MMP2: variants seen among roughly 807,000 people sequenced by gnomAD.
MMP2 encodes the protein 72 kDa type IV collagenase.
In MMP2, 39 loss-of-function variants were observed where a neutral mutation model predicts 74.8. That is an observed-to-expected ratio of 0.52 (90% CI 0.40 to 0.68). The LOEUF is 0.68. MMP2 is among the 30% of genes least tolerant of loss of function. MMP2 has a pLI of 0.00. For missense variants in MMP2, 803 were observed against 878.3 expected (o/e 0.91, Z 1.08); for synonymous variants, 367 against 339.8 (o/e 1.08, Z -0.88).
At chr16:55,497,811 C>T (rs1433229734) in intron 10 of MMP2, among the ~76,000 whole-genome samples, 2 of 152,162 alleles carry the variant, frequency 1.3e-5, no homozygotes, top group Admixed American at 6.5e-5. Context: ...GACAGCTGGG[C>T]TCTTATGAGG....
At position 55,505,952 on chromosome 16, in the gene MMP2, TG is replaced by T. The variant is rs1962791242; in HGVS notation, c.*511del. 6.0e-6 allele frequency: 1 copy of T among 165,750 alleles called. No individual in the cohort carries two copies. The highest frequency in any genetic ancestry group is 5.7e-5 in the Admixed American group (1 of 17,480). 10.3% of individuals were successfully genotyped at this position (165,750 alleles called of 1,614,324 possible). A position where few individuals can be genotyped will look rare whatever the true frequency, so the allele number is the denominator to read the frequency against. On this transcript the variant is annotated 3_prime_UTR_variant, in exon 13 of 13. Coordinates refer to ENST00000219070, the MANE Select transcript of MMP2 (RefSeq NM_004530.6). ...CCTTTCTTACATTAGCAGTTTGCTT[TG>T]TATGCACTTTGTTTTTTTCTTTGGG...
chr16:55,483,748 C>T (rs1962167254), intron 2 of MMP2, among the ~76,000 whole-genome samples: 1 of 152,130 alleles, frequency 6.6e-6, no homozygotes, highest in African/African-American at 2.4e-5. Flanking sequence ...TGTTGGCTGG[C>T]CTGGGACTCC....
At chr16:55,482,483 G>A (rs17859859) in intron 1 of MMP2, among the ~76,000 whole-genome samples, 39,966 of 152,134 alleles carry the variant, frequency 0.26, 6,330 homozygotes, top group Admixed American at 0.36. Context: ...ACAGCCTCTG[G>A]AGCCAGATTG....
At chr16:55,489,630 C>T (rs367853811) in intron 6 of MMP2, 21 bp from the exon 7 acceptor site, 3 of 1,613,666 alleles carry the variant, frequency 1.9e-6, no homozygotes, top group East Asian at 2.2e-5. Context: ...TGCGCCTTGA[C>T]CCGTATCCCT....
intron 3 of MMP2, among the ~76,000 whole-genome samples, chr16:55,484,368 G>A (rs16955212): frequency 0.016 from 2,474 of 152,268 alleles, 65 homozygotes; most frequent in African/African-American, 0.053. Flanking sequence ...GGCAGATGGT[G>A]TGTTGTGGTA....
intron 9 of MMP2, among the ~76,000 whole-genome samples, chr16:55,496,480 G>A (rs1041529652): frequency 1.3e-5 from 2 of 152,168 alleles, no homozygotes; most frequent in Non-Finnish European, 2.9e-5. Context: ...CTCAATAAAT[G>A]ATAACTCTTA....
Position 55,489,824 on chromosome 16 carries a change from G to C in MMP2, c.1180G>C (p.Gly394Arg). 1 of 1,613,910 alleles carries C rather than the reference G, an allele frequency of 6.2e-7. No homozygotes were observed. The highest frequency in any genetic ancestry group is 1.1e-5 in the South Asian group (1 of 91,076). Residue 394 changes from glycine (G) to arginine (R), a missense_variant and splice_region_variant, in exon 7 of 13, where the codon GGG (glycine) becomes CGG (arginine). Physicochemically the swap from Gly to Arg is moderately radical, Grantham distance 125. Coordinates refer to ENST00000219070, the MANE Select transcript of MMP2 (RefSeq NM_004530.6). ...CAAGTGGGGCTTCTGCCCTGACCAAGGTACGAGGCCCTGGTCATTGGACAG... is the reference window on the plus strand; with the variant it reads ...CAAGTGGGGCTTCTGCCCTGACCAACGTACGAGGCCCTGGTCATTGGACAG... ...DRKWGFCPDQ[G>R]YSLFLVAAHE... is the part of the protein sequence containing the mutation.
chr16:55,505,386 C>A lies in MMP2; in HGVS notation c.1927C>A (p.Gln643Lys). 2 of 1,614,112 alleles carry A rather than the reference C, an allele frequency of 1.2e-6. No individual in the cohort carries two copies. Among genetic ancestry groups the A allele is most frequent in the Non-Finnish European group, 1.7e-6 (2 of 1,180,022 alleles). ...TGCCTATTACCTGAAGCTGGAGAAC[C>A]AAAGTCTGAAGAGCGTGAAGTTTGG... ...KGAYYLKLEN[Q>K]SLKSVKFGSI... Residue 643 changes from glutamine to lysine, a missense_variant, in exon 13 of 13, where the codon CAA becomes AAA. By Grantham distance (53) the Gln-to-Lys change is moderately conservative. Coordinates refer to ENST00000219070, the MANE Select transcript of MMP2 (RefSeq NM_004530.6).
chr16:55,502,208 T>C (rs1168803859), intron 11 of MMP2, among the ~76,000 whole-genome samples: 5 of 152,098 alleles, frequency 3.3e-5, no homozygotes, highest in African/African-American at 9.7e-5. Context: ...GTCATCTCCC[T>C]GTGGCAGATG....
chr16:55,479,164 C>G (rs1962030490), upstream of MMP2: 2 of 202,612 alleles, frequency 9.9e-6, no homozygotes, highest in African/African-American at 2.3e-5. Flanking sequence ...CCAGCCCAGC[C>G]GGCTACATCT....
intron 12 of MMP2, 64 bp downstream of exon 12, chr16:55,502,952 T>A: frequency 7.8e-7 from 1 of 1,282,554 alleles, no homozygotes; most frequent in Non-Finnish European, 1.1e-6. Context: ...GCCCAGCTCC[T>A]TGCAAATACA....
In MMP2 at chr16:55,505,534, C is replaced by A; in HGVS notation, c.*92C>A. 1 of 1,074,906 alleles carries A rather than the reference C, an allele frequency of 9.3e-7. No homozygotes were observed. The highest frequency in any genetic ancestry group is 1.4e-6 in the Non-Finnish European group (1 of 692,504). The allele number at this position is 1,074,906 out of a possible 1,614,324, so 66.6% of individuals were successfully genotyped here. A position where few individuals can be genotyped will look rare whatever the true frequency, so the allele number is the denominator to read the frequency against. ...AGAAGGACCCGGAGGGGCCTGGCAG[C>A]CGTGCCTTCAGCTCTACAGCTAATC... On this transcript the variant is annotated 3_prime_UTR_variant, in exon 13 of 13. Coordinates refer to ENST00000219070, the MANE Select transcript of MMP2 (RefSeq NM_004530.6).
chr16:55,503,219 T>C (rs1229692712), intron 12 of MMP2, among the ~76,000 whole-genome samples: 2 of 152,168 alleles, frequency 1.3e-5, no homozygotes, highest in African/African-American at 2.4e-5. Context: ...CCAGGCCCAT[T>C]TGCGTTTTGC....
At chr16:55,488,838 C>T (rs1479169152) in intron 6 of MMP2, 122 bp downstream of exon 6, 53 of 1,015,452 alleles carry the variant, frequency 5.2e-5, no homozygotes, top group East Asian at 1.6e-4. Context: ...GACATCTGTG[C>T]GAATGACATC....
intron 3 of MMP2, among the ~76,000 whole-genome samples, chr16:55,485,030 G>A (rs981848723): frequency 2.0e-5 from 3 of 152,176 alleles, no homozygotes; most frequent in African/African-American, 7.2e-5. Context: ...TACATATAGT[G>A]TCATGGTGGT....
Position 55,491,850 on chromosome 16 carries a change from G to T in MMP2, c.1230G>T (p.Gly410=), listed in dbSNP as rs759547111. 9.9e-6 allele frequency: 16 copies of T among 1,614,070 alleles called. No individual in the cohort carries two copies. Among genetic ancestry groups the T allele is most frequent in the Middle Eastern group, 1.6e-4 (1 of 6,084 alleles). ...CCCACGAGTTTGGCCACGCCATGGG[G>T]CTGGAGCACTCCCAAGACCCTGGGG... ...VAAHEFGHAM[G]LEHSQDPGAL... Residue 410 remains glycine (G), a synonymous_variant, in exon 8 of 13, where the codon GGG becomes GGT. Transcript: ENST00000219070.
At chr16:55,502,559 G>A (rs186805582) in intron 11 of MMP2, among the ~76,000 whole-genome samples, 1 of 152,210 alleles carries the variant, frequency 6.6e-6, no homozygotes, top group Non-Finnish European at 1.5e-5. Flanking sequence ...GTTTTTATGG[G>A]GTCATCCAAA....
In MMP2 at chr16:55,498,322, T is replaced by C; in HGVS notation, c.1643T>C (p.Leu548Pro). The C allele has an allele frequency of 6.2e-7, 1 of 1,614,230 alleles. No individual in the cohort carries two copies. The highest frequency in any genetic ancestry group is 1.3e-5 in the African/African-American group (1 of 75,068). ...NEYWIYSAST[L>P]ERGYPKPLTS... is the part of the protein sequence containing the mutation. ...TACTGGATCTACTCAGCCAGCACCC[T>C]GGAGCGAGGGTACCCCAAGCCACTG... Residue 548 changes from leucine (L) to proline (P), a missense_variant, in exon 11 of 13, where the codon CTG becomes CCG. Physicochemically the swap from Leu to Pro is moderately conservative, Grantham distance 98 (BLOSUM62 -3). Coordinates refer to ENST00000219070, the MANE Select transcript of MMP2 (RefSeq NM_004530.6).
Position 55,505,517 on chromosome 16 carries a change from C to T in MMP2, c.*75C>T. ...CGGGCCTGGAGAACTAGAGAAGGAC[C>T]CGGAGGGGCCTGGCAGCCGTGCCTT... On this transcript the variant is annotated 3_prime_UTR_variant, in exon 13 of 13. Coordinates refer to ENST00000219070, the MANE Select transcript of MMP2 (RefSeq NM_004530.6). The T allele has an allele frequency of 2.3e-6, 3 of 1,294,312 alleles. No homozygotes were observed. Among genetic ancestry groups the T allele is most frequent in the African/African-American group, 2.9e-5 (2 of 68,702 alleles). 80.2% of individuals were successfully genotyped at this position (1,294,312 alleles called of 1,614,324 possible). A position where few individuals can be genotyped will look rare whatever the true frequency, so the allele number is the denominator to read the frequency against.
Sources: gnomAD v4.1 joint callset for allele counts (sites outside exome capture counted in the v4.1 genomes callset) on GRCh38, gnomAD v4.1.1 for gene constraint, MANE v1.5 for transcripts, NCBI Gene and HGNC (gene_info 2026-07-23, HGNC 2026-07-21) for gene names.